The following TRAF5 variants were observed in gnomAD, a reference collection of about 807,000 sequenced individuals.
TRAF5 encodes TNF receptor-associated factor 5.
A neutral mutation model predicts 64.5 loss-of-function variants in TRAF5; 48 were observed. The observed-to-expected ratio is 0.74, with a 90% confidence interval of 0.59 to 0.95. The LOEUF is 0.95. TRAF5 is among the 40% of genes least tolerant of loss of function. The pLI is 0.00. For synonymous variants in TRAF5, 206 were observed against 240.5 expected (o/e 0.86, Z 1.33); for missense variants, 545 against 662.8 (o/e 0.82, Z 1.95).
chr1:211,366,764 A>G (rs1272674319), intron 8 of TRAF5, among the ~76,000 whole-genome samples: 1 of 152,232 alleles, frequency 6.6e-6, no homozygotes, highest in Non-Finnish European at 1.5e-5. Flanking sequence ...GAGAAAGGCT[A>G]GAGACTGGTG....
chr1:211,350,246 G>A (rs992526818), intron 1 of TRAF5, among the ~76,000 whole-genome samples: 9 of 142,982 alleles, frequency 6.3e-5, no homozygotes, highest in Non-Finnish European at 1.2e-4. Flanking sequence ...AGGGTCTCTC[G>A]CCCTGTCACC....
At chr1:211,361,401 A>G (rs1222404730) in intron 7 of TRAF5, among the ~76,000 whole-genome samples, 1 of 152,198 alleles carries the variant, frequency 6.6e-6, no homozygotes, top group African/African-American at 2.4e-5. Context: ...CAAAATCTGC[A>G]GGGCAGCTCA....
At chr1:211,370,551 T>C (rs1703489867) in intron 9 of TRAF5, among the ~76,000 whole-genome samples, 1 of 152,200 alleles carries the variant, frequency 6.6e-6, no homozygotes, top group Non-Finnish European at 1.5e-5. Flanking sequence ...GTTGAAAATA[T>C]CGTAAGTCAA....
chr1:211,369,926 T>C (rs1173133000), intron 9 of TRAF5, among the ~76,000 whole-genome samples: 1 of 152,198 alleles, frequency 6.6e-6, no homozygotes, highest in Non-Finnish European at 1.5e-5. Context: ...ATATTAATAC[T>C]TCAGTATGTA....
intron 4 of TRAF5, chr1:211,358,164 A>G (rs1703028905): frequency 6.6e-6 from 1 of 152,166 alleles, no homozygotes; most frequent in Admixed American, 6.5e-5. Flanking sequence ...TTTCACTGAG[A>G]TATGCCTGCT....
intron 1 of TRAF5, among the ~76,000 whole-genome samples, chr1:211,330,351 C>T (rs1451624892): frequency 1.3e-5 from 2 of 151,584 alleles, no homozygotes; most frequent in South Asian, 2.1e-4. Flanking sequence ...CAGAACATTC[C>T]TGAATTTTTT....
chr1:211,360,757 C>G lies in TRAF5; in HGVS notation c.599C>G (p.Ala200Gly), dbSNP rs149809182. 1 of 1,613,674 alleles carries G rather than the reference C, an allele frequency of 6.2e-7. No individual in the cohort carries two copies. Among genetic ancestry groups the G allele is most frequent in the Non-Finnish European group, 8.5e-7 (1 of 1,179,714 alleles). The change falls in exon 6 of 11, where the codon GCG becomes GGG. Residue 200 changes from alanine (A) to glycine (G), a missense_variant. By Grantham distance (60) the Ala-to-Gly change is moderately conservative. Transcript: ENST00000261464. ...EYPVFCPNNC[A>G]KIILKTEVDE... ...CCAGTATTTTGTCCCAACAATTGTGCGAAGATTATTCTAAAAACTGAGGTA... is the reference window on the plus strand; with the variant it reads ...CCAGTATTTTGTCCCAACAATTGTGGGAAGATTATTCTAAAAACTGAGGTA...
At chr1:211,331,565 A>G (rs995830805) in intron 1 of TRAF5, among the ~76,000 whole-genome samples, 1 of 152,158 alleles carries the variant, frequency 6.6e-6, no homozygotes, top group Non-Finnish European at 1.5e-5. Context: ...GCCATAGAGC[A>G]TTGTGGGGTT....
chr1:211,326,815 C>T, upstream of TRAF5: 1 of 984,130 alleles, frequency 1.0e-6, no homozygotes, highest in Non-Finnish European at 1.2e-6. The surrounding 1 kb of genome is among the most constrained non-coding windows in gnomAD (Gnocchi z 5.0). Context: ...CGCTTCGCCG[C>T]CGCCGCCGGC....
Position 211,326,862 on chromosome 1 carries a change from C to T in TRAF5, c.-29C>T, listed in dbSNP as rs1702028553. The T allele has an allele frequency of 1.0e-6, 1 of 984,862 alleles. No individual in the cohort carries two copies. Among genetic ancestry groups the T allele is most frequent in the Non-Finnish European group, 1.2e-6 (1 of 829,574 alleles). The allele number at this position is 984,862 out of a possible 1,614,324, so 61.0% of individuals were successfully genotyped here. A position where few individuals can be genotyped will look rare whatever the true frequency, so the allele number is the denominator to read the frequency against. On this transcript the variant is annotated 5_prime_UTR_variant, in exon 1 of 11. Transcript: ENST00000261464. The surrounding 1 kb of genome is among the most constrained non-coding windows in gnomAD (Gnocchi z 5.0). The stretch of plus-strand genomic sequence containing the variant: ...GCAGCAGCCGCGCCTGCAGACCGGC[C>T]TCGCGGAGCCCGCGCGCCGAGCCCC...
At chr1:211,364,053 G>A (rs915012658) in intron 7 of TRAF5, among the ~76,000 whole-genome samples, 7 of 151,954 alleles carry the variant, frequency 4.6e-5, no homozygotes, top group African/African-American at 7.3e-5. Flanking sequence ...GTTATTCTCC[G>A]GAACCTTATT....
chr1:211,344,542 T>G (rs906032529), intron 1 of TRAF5, among the ~76,000 whole-genome samples: 5 of 152,276 alleles, frequency 3.3e-5, no homozygotes, highest in African/African-American at 9.6e-5. Flanking sequence ...ACATTAGGTG[T>G]AATGGAAAAT....
intron 1 of TRAF5, among the ~76,000 whole-genome samples, chr1:211,339,454 C>A (rs547197456): frequency 6.6e-6 from 1 of 152,156 alleles, no homozygotes; most frequent in Non-Finnish European, 1.5e-5. Flanking sequence ...GCATGAAACT[C>A]GGTTTGGTAA....
chr1:211,336,984 G>A (rs1005021746), intron 1 of TRAF5, among the ~76,000 whole-genome samples: 8 of 151,976 alleles, frequency 5.3e-5, no homozygotes, highest in Admixed American at 4.6e-4. Flanking sequence ...CGCTCGCCTC[G>A]GCCTTCCAAA....
rs192096262 is a variant in TRAF5, at chr1:211,364,398, T to C, written c.697-978T>C. ...GAACTAGCGTTGACTTAAAACTGATTTGAAGAGGCCAGGCGCTGTGGCTCA... is the reference window on the plus strand; with the variant it reads ...GAACTAGCGTTGACTTAAAACTGATCTGAAGAGGCCAGGCGCTGTGGCTCA... On this transcript the variant is annotated intron_variant, in intron 7 of 10. Coordinates refer to ENST00000261464, the MANE Select transcript of TRAF5 (RefSeq NM_001033910.3). Among the ~76,000 whole-genome samples the C allele has an allele frequency of 3.1e-3, 477 of 152,222 alleles. 2 individuals carry two copies. The highest frequency in any genetic ancestry group is 0.011 in the African/African-American group (460 of 41,538).
intron 1 of TRAF5, among the ~76,000 whole-genome samples, chr1:211,347,598 C>T (rs1702651503): frequency 6.6e-6 from 1 of 152,194 alleles, no homozygotes; most frequent in African/African-American, 2.4e-5. Flanking sequence ...CTGGGAAATA[C>T]ACACATGGAT....
At chr1:211,346,154 T>A (rs955507896) in intron 1 of TRAF5, among the ~76,000 whole-genome samples, 18 of 152,212 alleles carry the variant, frequency 1.2e-4, no homozygotes. Flanking sequence ...GATGATTTCT[T>A]CTCTGTGAAA....
At chr1:211,364,231 C>A (rs1703276336) in intron 7 of TRAF5, among the ~76,000 whole-genome samples, 1 of 152,126 alleles carries the variant, frequency 6.6e-6, no homozygotes, top group Non-Finnish European at 1.5e-5. Flanking sequence ...AAAAAGCAAC[C>A]ATTTCTTCTT....
intron 9 of TRAF5, among the ~76,000 whole-genome samples, chr1:211,370,378 AAC>A (rs67207558): frequency 0.4 from 59,796 of 147,784 alleles, 12,235 homozygotes; most frequent in South Asian, 0.48. Context: ...TTATACATTA[AAC>A]ACACACACAC....
Sources: gnomAD v4.1 joint callset for allele counts (sites outside exome capture counted in the v4.1 genomes callset) on GRCh38, gnomAD v4.1.1 for gene constraint, Gnocchi (gnomAD v3.1) non-coding constraint, MANE v1.5 for transcripts, NCBI Gene and HGNC (gene_info 2026-07-23, HGNC 2026-07-21) for gene names.